The following MTMR8 variants were observed in gnomAD, a reference collection of about 807,000 sequenced individuals.
The protein encoded by MTMR8 is phosphatidylinositol-3,5-bisphosphate 3-phosphatase MTMR8.
MTMR8 carries 65 observed loss-of-function variants against 39.3 expected under a neutral mutation model. The ratio of observed to expected loss-of-function variants is 1.65; its 90% CI spans 1.35 to 2.03. The LOEUF is 2.03. Among genes scored for constraint, MTMR8 ranks in the 30% most tolerant of loss-of-function variants. The pLI, the probability that MTMR8 is intolerant of heterozygous loss-of-function variation, is 0.00. For missense variants in MTMR8, 777 were observed against 538.9 expected, an observed-to-expected ratio of 1.44 and a Z score of -4.37; for synonymous variants, 245 against 185.2, an observed-to-expected ratio of 1.32 and a Z score of -2.62.
chrX:64,377,683 T>C (rs1451260312), intron 1 of MTMR8, among the ~76,000 whole-genome samples: 1 of 112,277 alleles, frequency 8.9e-6, no homozygotes, highest in Admixed American at 9.4e-5. Flanking sequence ...GATGAGACTT[T>C]GGACTTGAAC....
At chrX:64,295,768 C>T (rs748328867) in intron 12 of MTMR8, among the ~76,000 whole-genome samples, 2 of 111,065 alleles carry the variant, frequency 1.8e-5, no homozygotes, top group African/African-American at 6.5e-5. Flanking sequence ...TACTTCATAC[C>T]CACTAGGATG....
intron 10 of MTMR8, among the ~76,000 whole-genome samples, chrX:64,335,494 G>A (rs1923050896): frequency 8.9e-6 from 1 of 112,186 alleles, no homozygotes; most frequent in African/African-American, 3.2e-5. Flanking sequence ...ACAGCACATT[G>A]TTAGGCATTT....
intron 12 of MTMR8, among the ~76,000 whole-genome samples, chrX:64,312,609 C>T (rs1233092763): frequency 8.9e-6 from 1 of 112,623 alleles, no homozygotes; most frequent in African/African-American, 3.2e-5. Context: ...CATGAATATT[C>T]TTAATGGCAT....
intron 12 of MTMR8, among the ~76,000 whole-genome samples, chrX:64,311,961 T>G (rs936534202): frequency 1.2e-4 from 13 of 111,175 alleles, no homozygotes; most frequent in Non-Finnish European, 2.1e-4. Flanking sequence ...TTGTTCTTTT[T>G]GCTTAGGATT....
chrX:64,273,498 A>C lies in MTMR8; in HGVS notation c.1482-2425T>G, dbSNP rs766958456. ...AAAACTAAACAAACAAACAAACAAA[A>C]AAAACAAAACATAAAGGAAGAAAGC... On this transcript the variant is annotated intron_variant, in intron 12 of 13. Coordinates refer to ENST00000374852, the MANE Select transcript of MTMR8 (RefSeq NM_017677.4). 3.6e-5 allele frequency among the ~76,000 whole-genome samples: 4 copies of C among 111,384 alleles called. No individual in the cohort carries two copies. In the South Asian group the frequency reaches 1.1e-3, roughly 31 times the overall value.
rs751081327 is a variant in MTMR8, at chrX:64,303,764, C to T, written c.1481+25008G>A. Among the ~76,000 whole-genome samples the T allele has an allele frequency of 2.7e-5, 3 of 112,455 alleles. No homozygotes were observed. The East Asian group carries it at 8.3e-4, about 31-fold the overall frequency. On this transcript the variant is annotated intron_variant, in intron 12 of 13. Transcript: ENST00000374852. ...GTTTCCACATCATTTTCATATAAAACAAAGTTTGAAAACAAGTAACATTTA... is the reference window on the plus strand; with the variant it reads ...GTTTCCACATCATTTTCATATAAAATAAAGTTTGAAAACAAGTAACATTTA...
chrX:64,277,474 T>C (rs1460888662), intron 12 of MTMR8, among the ~76,000 whole-genome samples: 1 of 111,871 alleles, frequency 8.9e-6, no homozygotes, highest in Non-Finnish European at 1.9e-5. Context: ...TGCTTGTCTG[T>C]AAAGGATTTT....
intron 9 of MTMR8, among the ~76,000 whole-genome samples, chrX:64,336,817 C>G (rs1233275386): frequency 9.0e-6 from 1 of 110,579 alleles, no homozygotes; most frequent in Admixed American, 9.6e-5. Flanking sequence ...CAAAACAAAA[C>G]AAAAAAAAGC....
At chrX:64,297,302 G>A (rs752597250) in intron 12 of MTMR8, among the ~76,000 whole-genome samples, 1 of 109,505 alleles carries the variant, frequency 9.1e-6, no homozygotes, top group African/African-American at 3.3e-5. Context: ...ATCTCATAGT[G>A]GTTTTGATTT....
chrX:64,353,725 A>G (rs1923543651), intron 4 of MTMR8, among the ~76,000 whole-genome samples: 1 of 111,045 alleles, frequency 9.0e-6, no homozygotes, highest in South Asian at 3.8e-4. Flanking sequence ...AGGAGGGAGG[A>G]TCGCTTGAGC....
intron 12 of MTMR8, among the ~76,000 whole-genome samples, chrX:64,323,199 G>T (rs1922700947): frequency 8.9e-6 from 1 of 112,382 alleles, no homozygotes; most frequent in Admixed American, 9.4e-5. Flanking sequence ...AGAGTGACAG[G>T]TACACTGAAA....
intron 12 of MTMR8, among the ~76,000 whole-genome samples, chrX:64,273,239 A>G (rs1931799901): frequency 9.0e-6 from 1 of 111,648 alleles, no homozygotes; most frequent in South Asian, 3.7e-4. Context: ...TAGAATAATT[A>G]TAAAGTATGC....
At chrX:64,393,697 A>T (rs1165778724) in intron 1 of MTMR8, among the ~76,000 whole-genome samples, 3 of 111,895 alleles carry the variant, frequency 2.7e-5, no homozygotes, top group Non-Finnish European at 5.6e-5. Flanking sequence ...AAACAAAGGG[A>T]CACAGAAAAA....
chrX:64,345,522 G>C (rs1923328236), intron 6 of MTMR8, among the ~76,000 whole-genome samples: 1 of 111,912 alleles, frequency 8.9e-6, no homozygotes, highest in South Asian at 3.7e-4. Context: ...CAGCTGAAAG[G>C]GTTTTATACT....
intron 12 of MTMR8, among the ~76,000 whole-genome samples, chrX:64,314,439 G>T (rs866905243): frequency 1.8e-5 from 2 of 112,560 alleles, no homozygotes; most frequent in Non-Finnish European, 3.8e-5. Context: ...GTTAGCATGG[G>T]GGTAGGGCAC....
chrX:64,355,045 C>G (rs1256487864), intron 3 of MTMR8, 111 bp from the exon 4 acceptor site: 12 of 694,980 alleles, frequency 1.7e-5, no homozygotes, highest in Admixed American at 4.3e-5. Flanking sequence ...GTTTGTCAAA[C>G]AGCCCCAGAA....
chrX:64,323,292 G>A (rs982280503), intron 12 of MTMR8, among the ~76,000 whole-genome samples: 5 of 112,125 alleles, frequency 4.5e-5, no homozygotes, highest in Admixed American at 9.4e-5. Flanking sequence ...GATAAAATAG[G>A]CTTTAAGGCA....
At chrX:64,270,494 G>A (rs1195390022) in intron 13 of MTMR8, among the ~76,000 whole-genome samples, 1 of 112,339 alleles carries the variant, frequency 8.9e-6, no homozygotes, top group Non-Finnish European at 1.9e-5. Context: ...AAAAACAAGT[G>A]TCCAACATGG....
rs770033285 is a variant in MTMR8, at chrX:64,377,083, G to A, written c.25-17556C>T. ...TCAAAGGGCAAGAGTTGAGGCCTAG[G>A]AGCCTCCACCTAGATTTCAGAGGAT... is the stretch of plus-strand genomic sequence containing the variant. On this transcript the variant is annotated intron_variant, in intron 1 of 13. Transcript: ENST00000374852. Among the ~76,000 whole-genome samples, 6 of 112,571 alleles carry A rather than the reference G, an allele frequency of 5.3e-5. No homozygotes were observed. In the East Asian group the frequency reaches 1.4e-3, roughly 26 times the overall value.
Sources: allele counts gnomAD v4.1 joint callset (sites outside exome capture counted in the v4.1 genomes callset), GRCh38; gene constraint gnomAD v4.1.1; transcripts MANE v1.5; gene names NCBI Gene and HGNC (gene_info 2026-07-23, HGNC 2026-07-21).